Variants in GCC1 observed in about 807,000 individuals in gnomAD.
The protein encoded by GCC1 is GRIP and coiled-coil domain-containing protein 1.
Under a neutral mutation model 62.5 loss-of-function variants are expected in GCC1, and 36 were observed. That is an observed-to-expected ratio of 0.58 (90% CI 0.44 to 0.76). The LOEUF (loss-of-function observed/expected upper bound fraction) is 0.76. Among genes scored for constraint, GCC1 ranks in the 30% least tolerant of loss-of-function variants. The pLI is 0.00. For missense variants in GCC1, 885 were observed against 948.3 expected (o/e 0.93, Z 0.88); for synonymous variants, 391 against 386.8 (o/e 1.01, Z -0.13).
Position 127,583,223 on chromosome 7 carries a change from C to T in GCC1, c.1119G>A (p.Val373=), listed in dbSNP as rs1562952022. The T allele has an allele frequency of 6.2e-7, 1 of 1,613,892 alleles. No homozygotes were observed. Residue 373 remains valine, a synonymous_variant, in exon 2 of 2, where the codon GTG becomes GTA. Transcript: ENST00000321407. ...VAALENQISE[V]SELLGTYEKA... ...TCTCGTAGGTGCCTAGCAGCTCAGA[C>T]ACCTCGGATATTTGATTCTCCAGGG...
At chr7:127,584,110 C>G (rs1288121788) in intron 1 of GCC1, 41 bp downstream of exon 1, 1 of 1,562,426 alleles carries the variant, frequency 6.4e-7, no homozygotes, top group South Asian at 1.1e-5. Flanking sequence ...TTTCTCACTT[C>G]AGGTCAATGG....
chr7:127,582,377 C>G lies in GCC1; in HGVS notation c.1965G>C (p.Leu655=), dbSNP rs1222882711. ...LAAANEPTFF[L]YAEQLARKEV... ...CCTTGCGGGCCAGTTGCTCAGCGTA[C>G]AGAAAGAAAGTGGGCTCATTGGCCG... Residue 655 remains leucine, a synonymous_variant, in exon 2 of 2, where the codon CTG becomes CTC. Coordinates refer to ENST00000321407, the MANE Select transcript of GCC1 (RefSeq NM_024523.6). This position sits in a 1 kb window ranked among gnomAD's most constrained non-coding sequence, Gnocchi z 4.8. 1.7e-5 allele frequency: 28 copies of G among 1,614,218 alleles called. No homozygotes were observed. The highest frequency in any genetic ancestry group is 2.4e-5 in the Non-Finnish European group (28 of 1,180,044).
At position 127,583,075 on chromosome 7, in the gene GCC1, C is replaced by G; in HGVS notation, c.1267G>C (p.Glu423Gln). Reference protein sequence around the residue: ...SSRSPLDSHGEESSLDVNVLK... With the variant: ...SSRSPLDSHGQESSLDVNVLK... ...ACATTGACATCCAGACTGGACTCCT[C>G]TCCATGGCTGTCTAAAGGGGACCTG... The change falls in exon 2 of 2, where the codon GAG becomes CAG. Residue 423 changes from glutamate to glutamine, a missense_variant. Transcript: ENST00000321407. 1 of 1,614,158 alleles carries G rather than the reference C, an allele frequency of 6.2e-7. No individual in the cohort carries two copies. The highest frequency in any genetic ancestry group is 8.5e-7 in the Non-Finnish European group (1 of 1,180,042).
chr7:127,583,848 C>G (rs1429080216), intron 1 of GCC1, among the ~76,000 whole-genome samples: 1 of 152,204 alleles, frequency 6.6e-6, no homozygotes, highest in Non-Finnish European at 1.5e-5. Flanking sequence ...GACACGCTAC[C>G]TTTTACTATA....
rs773169241 is a variant in GCC1, at chr7:127,582,533, C to T, written c.1809G>A (p.Leu603=). 96 of 1,612,144 alleles carry T rather than the reference C, an allele frequency of 6.0e-5. No individual in the cohort carries two copies. Among genetic ancestry groups the T allele is most frequent in the Non-Finnish European group, 7.5e-5 (88 of 1,180,040 alleles). Residue 603 remains leucine (L), a synonymous_variant, in exon 2 of 2, where the codon CTG becomes CTA. Transcript: ENST00000321407. This position sits in a 1 kb window ranked among gnomAD's most constrained non-coding sequence, Gnocchi z 4.8. The part of the protein sequence containing the change: ...LAVLTEKDLE[L]EQLRSVALAS... ...CCAAGGCCACAGAACGCAGTTGCTCCAGTTCCAAGTCCTTCTCGGTGAGCA... is the reference window on the plus strand; with the variant it reads ...CCAAGGCCACAGAACGCAGTTGCTCTAGTTCCAAGTCCTTCTCGGTGAGCA...
In GCC1 at chr7:127,585,325, C is replaced by G; in HGVS notation, c.-143G>C. On this transcript the variant is annotated 5_prime_UTR_variant, in exon 1 of 2. Transcript: ENST00000321407. ...CCTACTCCACCTAGTTATCCCGGAC[C>G]TAATGCGGAACGGCCGGACGGACTG... 1 of 791,396 alleles carries G rather than the reference C, an allele frequency of 1.3e-6. No individual in the cohort carries two copies. The highest frequency in any genetic ancestry group is 1.9e-6 in the Non-Finnish European group (1 of 513,100). The allele number at this position is 791,396 out of a possible 1,614,324, so 49.0% of individuals were successfully genotyped here.
In GCC1 at chr7:127,584,484, C is replaced by T. The variant is rs1794175881; in HGVS notation, c.699G>A (p.Gln233=). The change falls in exon 1 of 2, where the codon CAG becomes CAA. Residue 233 remains glutamine (Q), a synonymous_variant. Transcript: ENST00000321407. ...CACTCTGCTCTTGGGCCCGATCATG[C>T]TGCTGCGTGATAAGCCGGGCTTTGG... ...AETKARLITQ[Q]HDRAQEQSDH... 2.5e-6 allele frequency: 4 copies of T among 1,613,994 alleles called. No homozygotes were observed. The highest frequency in any genetic ancestry group is 2.7e-5 in the African/African-American group (2 of 74,890).
In GCC1 at chr7:127,584,397, C is replaced by A. The variant is rs186329622; in HGVS notation, c.786G>T (p.Gln262His). ...KLLQEERTQR[Q>H]DLELRLEETR... The stretch of plus-strand genomic sequence containing the variant: ...TCTCTTCTAACCTAAGCTCCAAGTC[C>A]TGGCGCTGGGTCCTCTCCTCCTGCA... The change falls in exon 1 of 2, where the codon CAG becomes CAT. Residue 262 changes from glutamine to histidine, a missense_variant. Coordinates refer to ENST00000321407, the MANE Select transcript of GCC1 (RefSeq NM_024523.6). The A allele has an allele frequency of 2.6e-5, 42 of 1,614,080 alleles. No homozygotes were observed. In the African/African-American group the frequency reaches 5.1e-4, roughly 19 times the overall value.
intron 1 of GCC1, among the ~76,000 whole-genome samples, 197 bp from the exon 2 acceptor site, chr7:127,583,506 T>C (rs1160275306): frequency 6.6e-6 from 1 of 152,210 alleles, no homozygotes; most frequent in East Asian, 1.9e-4. Flanking sequence ...CATATTATAC[T>C]GAACAATATG....
rs1794142508 is a variant in GCC1, at chr7:127,582,184, G to A, written c.2158C>T (p.Leu720=). The change falls in exon 2 of 2, where the codon CTG becomes TTG. Residue 720 remains leucine (L), a synonymous_variant. Coordinates refer to ENST00000321407, the MANE Select transcript of GCC1 (RefSeq NM_024523.6). This position sits in a 1 kb window ranked among gnomAD's most constrained non-coding sequence, Gnocchi z 4.8. Reference sequence around the variant, plus strand: ...TAGATGATGTTTTTGAGGTACTCCAGATTGGCTCCCTCCCTGCTCTGGTCC... The same window carrying A: ...TAGATGATGTTTTTGAGGTACTCCAAATTGGCTCCCTCCCTGCTCTGGTCC... ...IRDQSREGAN[L]EYLKNIIYRF... 6.2e-7 allele frequency: 1 copy of A among 1,614,210 alleles called. No homozygotes were observed. Among genetic ancestry groups the A allele is most frequent in the Non-Finnish European group, 8.5e-7 (1 of 1,180,042 alleles).
rs770930978 is a variant in GCC1 at position 127,582,354 on chromosome 7, T to C, written c.1988A>G (p.Lys663Arg). The change falls in exon 2 of 2, where the codon AAG becomes AGG. Residue 663 changes from lysine to arginine, a missense_variant. Physicochemically the swap from Lys to Arg is conservative, Grantham distance 26. Coordinates refer to ENST00000321407, the MANE Select transcript of GCC1 (RefSeq NM_024523.6). The surrounding 1 kb of genome is among the most constrained non-coding windows in gnomAD (Gnocchi z 4.8). ...CCTCAGTGATGTGATCTCCACCTCC[T>C]TGCGGGCCAGTTGCTCAGCGTACAG... ...FFLYAEQLARKEVEITSLRKQ... is the reference protein window; with the variant it reads ...FFLYAEQLARREVEITSLRKQ... 6 of 1,614,126 alleles carry C rather than the reference T, an allele frequency of 3.7e-6. No homozygotes were observed. In the African/African-American group the frequency reaches 4.0e-5, roughly 11 times the overall value.
Position 127,582,577 on chromosome 7 carries a change from G to A in GCC1, c.1765C>T (p.Arg589Trp), listed in dbSNP as rs1055813194. 5.6e-6 allele frequency: 9 copies of A among 1,611,598 alleles called. No individual in the cohort carries two copies. Among genetic ancestry groups the A allele is most frequent in the Admixed American group, 1.7e-5 (1 of 59,988 alleles). The change falls in exon 2 of 2, where the codon CGG becomes TGG. Residue 589 changes from arginine to tryptophan, a missense_variant. Coordinates refer to ENST00000321407, the MANE Select transcript of GCC1 (RefSeq NM_024523.6). This position sits in a 1 kb window ranked among gnomAD's most constrained non-coding sequence, Gnocchi z 4.8. ...LKLEEELHKQ[R>W]DRALAVLTEK... is the part of the protein sequence containing the mutation. The stretch of plus-strand genomic sequence containing the variant: ...GTGAGCACAGCTAGGGCACGATCCC[G>A]CTGCTTGTGCAGCTCCTCCTCCAGT...
chr7:127,582,732 G>C lies in GCC1; in HGVS notation c.1610C>G (p.Ser537Cys), dbSNP rs776697442. Residue 537 changes from serine (S) to cysteine (C), a missense_variant, in exon 2 of 2, where the codon TCC becomes TGC. Ser to Cys is a moderately radical substitution (Grantham distance 112, BLOSUM62 -1). Transcript: ENST00000321407. The surrounding 1 kb of genome is among the most constrained non-coding windows in gnomAD (Gnocchi z 4.8). ...LKEKYISLRL[S>C]CEELEHQHQQ... Reference sequence around the variant, plus strand: ...GTGTTGGTGCTCCAGCTCCTCGCAGGAGAGCCGCAGGGAAATATACTTCTC... The same window carrying C: ...GTGTTGGTGCTCCAGCTCCTCGCAGCAGAGCCGCAGGGAAATATACTTCTC... 6.2e-7 allele frequency: 1 copy of C among 1,614,122 alleles called. No homozygotes were observed. Among genetic ancestry groups the C allele is most frequent in the South Asian group, 1.1e-5 (1 of 91,084 alleles).
At position 127,582,299 on chromosome 7, in the gene GCC1, C is replaced by T. The variant is rs752059605; in HGVS notation, c.2043G>A (p.Val681=). Residue 681 remains valine, a synonymous_variant, in exon 2 of 2, where the codon GTG becomes GTA. Coordinates refer to ENST00000321407, the MANE Select transcript of GCC1 (RefSeq NM_024523.6). This position sits in a 1 kb window ranked among gnomAD's most constrained non-coding sequence, Gnocchi z 4.8. ...CCAGCAGCCGATCCTGCAGCTGATG[C>T]ACCTCGACCTCCAGCCTGTGCTTCT... ...RKQKHRLEVE[V]HQLQDRLLEE... 6.2e-7 allele frequency: 1 copy of T among 1,614,238 alleles called. No individual in the cohort carries two copies. Among genetic ancestry groups the T allele is most frequent in the East Asian group, 2.2e-5 (1 of 44,890 alleles).
Position 127,581,980 on chromosome 7 carries a change from G to A in GCC1, c.*34C>T. On this transcript the variant is annotated 3_prime_UTR_variant, in exon 2 of 2. Transcript: ENST00000321407. Reference sequence around the variant, plus strand: ...AGCCTGCCCTTTCCCACATAAAAGAGGCACAGAAATTCCAGGAATTCATGA... The same window carrying A: ...AGCCTGCCCTTTCCCACATAAAAGAAGCACAGAAATTCCAGGAATTCATGA... 6.5e-7 allele frequency: 1 copy of A among 1,527,078 alleles called. No individual in the cohort carries two copies. Among genetic ancestry groups the A allele is most frequent in the East Asian group, 2.3e-5 (1 of 44,270 alleles). 94.6% of individuals were successfully genotyped at this position (1,527,078 alleles called of 1,614,324 possible). A position where few individuals can be genotyped will look rare whatever the true frequency, so the allele number is the denominator to read the frequency against.
At position 127,582,338 on chromosome 7, in the gene GCC1, T is replaced by G; in HGVS notation, c.2004A>C (p.Thr668=). 2 of 1,614,196 alleles carry G rather than the reference T, an allele frequency of 1.2e-6. No homozygotes were observed. Among genetic ancestry groups the G allele is most frequent in the Non-Finnish European group, 1.7e-6 (2 of 1,180,040 alleles). The part of the protein sequence containing the change: ...EQLARKEVEI[T]SLRKQKHRLE... Reference sequence around the variant, plus strand: ...GCCTGTGCTTCTGCTTCCTCAGTGATGTGATCTCCACCTCCTTGCGGGCCA... The same window carrying G: ...GCCTGTGCTTCTGCTTCCTCAGTGAGGTGATCTCCACCTCCTTGCGGGCCA... Residue 668 remains threonine (T), a synonymous_variant, in exon 2 of 2, where the codon ACA becomes ACC. Transcript: ENST00000321407. This position sits in a 1 kb window ranked among gnomAD's most constrained non-coding sequence, Gnocchi z 4.8.
chr7:127,583,519 G>A (rs997018117), intron 1 of GCC1, among the ~76,000 whole-genome samples: 1 of 152,152 alleles, frequency 6.6e-6, no homozygotes, highest in South Asian at 2.1e-4. Flanking sequence ...ACAATATGAA[G>A]CACCTTGGTA....
chr7:127,582,778 C>T lies in GCC1; in HGVS notation c.1564G>A (p.Glu522Lys). 2 of 1,614,172 alleles carry T rather than the reference C, an allele frequency of 1.2e-6. No individual in the cohort carries two copies. The highest frequency in any genetic ancestry group is 1.1e-5 in the South Asian group (1 of 91,090). The change falls in exon 2 of 2, where the codon GAA becomes AAA. Residue 522 changes from glutamate to lysine, a missense_variant. Transcript: ENST00000321407. This position sits in a 1 kb window ranked among gnomAD's most constrained non-coding sequence, Gnocchi z 4.8. ...TTCTCCTTCAGCTCTGCAAGCTGTTCCTGGGCTGCCTCCAGCTCCTTTCCC... is the reference window on the plus strand; with the variant it reads ...TTCTCCTTCAGCTCTGCAAGCTGTTTCTGGGCTGCCTCCAGCTCCTTTCCC... ...NLGKELEAAQ[E>K]QLAELKEKYI... is the part of the protein sequence containing the mutation.
Position 127,584,751 on chromosome 7 carries a change from A to C in GCC1, c.432T>G (p.Ser144Arg). 1 of 1,614,074 alleles carries C rather than the reference A, an allele frequency of 6.2e-7. No individual in the cohort carries two copies. The highest frequency in any genetic ancestry group is 8.5e-7 in the Non-Finnish European group (1 of 1,179,992). ...SWSESGVSSSSGDGPFAGGEV... is the reference protein window; with the variant it reads ...SWSESGVSSSRGDGPFAGGEV... The stretch of plus-strand genomic sequence containing the variant: ...CCCCACCTGCAAATGGCCCATCCCC[A>C]CTGCTACTGCTAACGCCACTCTCGG... The change falls in exon 1 of 2, where the codon AGT (serine) becomes AGG (arginine). Residue 144 changes from serine to arginine, a missense_variant. By Grantham distance (110) the Ser-to-Arg change is moderately radical. Transcript: ENST00000321407.
Sources: gnomAD v4.1 joint callset for allele counts (sites outside exome capture counted in the v4.1 genomes callset) on GRCh38, gnomAD v4.1.1 for gene constraint, Gnocchi (gnomAD v3.1) non-coding constraint, MANE v1.5 for transcripts, NCBI Gene and HGNC (gene_info 2026-07-23, HGNC 2026-07-21) for gene names.